C5orf63: variants seen among roughly 807,000 people sequenced by gnomAD.
The protein encoded by C5orf63 is chromosome 5 open reading frame 63, also known as glutaredoxin-like protein C5orf63.
C5orf63 carries 18 observed loss-of-function variants against 13.3 expected under a neutral mutation model. The ratio of observed to expected loss-of-function variants is 1.36; its 90% CI spans 0.94 to 2.01. The LOEUF is 2.01. C5orf63 is among the 30% of genes most tolerant of loss of function. C5orf63 has a pLI of 0.00. For synonymous variants in C5orf63, 38 were observed against 44.7 expected, an observed-to-expected ratio of 0.85 and a Z score of 0.60; for missense variants, 118 against 127.7, an observed-to-expected ratio of 0.92 and a Z score of 0.36.
chr5:127,070,706 C>T (rs114521347), intron 2 of C5orf63, among the ~76,000 whole-genome samples: 2,851 of 152,286 alleles, frequency 0.019, 70 homozygotes, highest in African/African-American at 0.059. Context: ...AATAATTTGG[C>T]ACACTTTCAA....
chr5:127,072,943 A>G (rs1260003662), intron 1 of C5orf63: 1 of 152,272 alleles, frequency 6.6e-6, no homozygotes. Flanking sequence ...AGATCCAGAC[A>G]GCTCATCCAG....
At chr5:127,069,963 A>G (rs1281950153) in intron 2 of C5orf63, among the ~76,000 whole-genome samples, 3 of 152,236 alleles carry the variant, frequency 2.0e-5, no homozygotes, top group Admixed American at 6.5e-5. Flanking sequence ...AGATCAACAC[A>G]GAATTTCAGA....
At position 127,051,737 on chromosome 5, in the gene C5orf63, G is replaced by A; in HGVS notation, c.*34C>T. Reference sequence around the variant, plus strand: ...TCATTTCCTTAGGAAGATGCTTTATGGGAAGAGAGGGTGGAAAATCATGAG... The same window carrying A: ...TCATTTCCTTAGGAAGATGCTTTATAGGAAGAGAGGGTGGAAAATCATGAG... On this transcript the variant is annotated 3_prime_UTR_variant, in exon 5 of 5. Transcript: ENST00000296662. 1 of 1,461,542 alleles carries A rather than the reference G, an allele frequency of 6.8e-7. No individual in the cohort carries two copies. Among genetic ancestry groups the A allele is most frequent in the Non-Finnish European group, 9.0e-7 (1 of 1,111,012 alleles). 90.5% of individuals were successfully genotyped at this position (1,461,542 alleles called of 1,614,324 possible). A position where few individuals can be genotyped will look rare whatever the true frequency, so the allele number is the denominator to read the frequency against.
At chr5:127,066,752 A>T (rs1754347627) in intron 2 of C5orf63, among the ~76,000 whole-genome samples, 2 of 152,148 alleles carry the variant, frequency 1.3e-5, no homozygotes, top group African/African-American at 4.8e-5. Context: ...CTATGAAACT[A>T]GGTGAAATCA....
At chr5:127,046,514 A>G (rs1238519522), downstream of C5orf63, 2 of 152,240 alleles carry the variant, frequency 1.3e-5, no homozygotes, top group Non-Finnish European at 2.9e-5. Flanking sequence ...TCTCTTGAGT[A>G]TGGTAGAATG....
intron 4 of C5orf63, 96 bp downstream of exon 4, chr5:127,052,517 T>G: frequency 1.1e-6 from 1 of 871,224 alleles, no homozygotes. Context: ...GAAAAATCAT[T>G]TAATCTCTTT....
At chr5:127,066,237 T>C (rs1023318086) in intron 2 of C5orf63, among the ~76,000 whole-genome samples, 8 of 152,050 alleles carry the variant, frequency 5.3e-5, no homozygotes, top group African/African-American at 1.2e-4. Flanking sequence ...GTAGGCCTTG[T>C]GGGTTATGTT....
At chr5:127,057,653 G>A (rs937233029) in intron 3 of C5orf63, among the ~76,000 whole-genome samples, 18 of 152,212 alleles carry the variant, frequency 1.2e-4, no homozygotes, top group African/African-American at 4.3e-4. Context: ...GGTATTCACA[G>A]ACATGCACAT....
intron 3 of C5orf63, 112 bp downstream of exon 3, chr5:127,058,770 T>C: frequency 1.5e-6 from 1 of 662,462 alleles, no homozygotes; most frequent in Non-Finnish European, 2.6e-6. Context: ...ATAGAAAAAT[T>C]GAAGAGCAGG....
At chr5:127,061,512 A>G (rs1754105168) in intron 2 of C5orf63, among the ~76,000 whole-genome samples, 1 of 152,244 alleles carries the variant, frequency 6.6e-6, no homozygotes, top group African/African-American at 2.4e-5. Context: ...AGAATTTTAC[A>G]AGGATCTGCT....
chr5:127,052,532 AAAGG>A, intron 4 of C5orf63, 77 bp downstream of exon 4: 1 of 1,004,360 alleles, frequency 1.0e-6, no homozygotes, highest in Non-Finnish European at 1.3e-6. Flanking sequence ...CTCTTTTCCT[AAAGG>A]AAGGATCCAG....
intron 2 of C5orf63, among the ~76,000 whole-genome samples, chr5:127,070,480 T>C (rs1754496089): frequency 6.6e-6 from 1 of 152,212 alleles, no homozygotes; most frequent in East Asian, 1.9e-4. Context: ...GGCAGCAGCA[T>C]ATACCACCAC....
chr5:127,056,118 A>T (rs1051848689), intron 3 of C5orf63, among the ~76,000 whole-genome samples: 3 of 152,044 alleles, frequency 2.0e-5, no homozygotes, highest in African/African-American at 7.2e-5. Context: ...CACAGGAACT[A>T]CTCTCAGCAT....
intron 2 of C5orf63, among the ~76,000 whole-genome samples, chr5:127,063,982 A>C (rs1754216333): frequency 6.6e-6 from 1 of 152,126 alleles, no homozygotes; most frequent in African/African-American, 2.4e-5. Flanking sequence ...CTCTTAGGGG[A>C]CACATCTGGG....
intron 2 of C5orf63, among the ~76,000 whole-genome samples, chr5:127,059,462 T>C (rs1216086231): frequency 6.6e-6 from 1 of 152,116 alleles, no homozygotes; most frequent in Non-Finnish European, 1.5e-5. Flanking sequence ...ATGCCATGGC[T>C]CACACCTGTA....
intron 1 of C5orf63, among the ~76,000 whole-genome samples, chr5:127,072,927 G>C (rs73339281): frequency 0.055 from 8,347 of 152,274 alleles, 424 homozygotes; most frequent in African/African-American, 0.13. Flanking sequence ...CAATAAGGCT[G>C]AGAGGAGATC....
chr5:127,052,085 T>A, intron 4 of C5orf63, 138 bp from the exon 5 acceptor site: 1 of 659,562 alleles, frequency 1.5e-6, no homozygotes, highest in Non-Finnish European at 2.3e-6. Context: ...CACAGTGATC[T>A]AATGTCCCTG....
Position 127,051,713 on chromosome 5 carries a change from C to A in C5orf63, c.*58G>T. On this transcript the variant is annotated 3_prime_UTR_variant, in exon 5 of 5. Transcript: ENST00000296662. ...GACAAAATGAGTATCAGGCCATGGT[C>A]ATTTCCTTAGGAAGATGCTTTATGG... 2.1e-6 allele frequency: 3 copies of A among 1,437,956 alleles called. No individual in the cohort carries two copies. The South Asian group carries it at 4.5e-5, about 22-fold the overall frequency. The allele number at this position is 1,437,956 out of a possible 1,614,324, so 89.1% of individuals were successfully genotyped here.
At chr5:127,066,803 T>A (rs1238217566) in intron 2 of C5orf63, among the ~76,000 whole-genome samples, 1 of 151,618 alleles carries the variant, frequency 6.6e-6, no homozygotes. Context: ...CCAGGATAGA[T>A]CTCTGAAGCA....
Sources: allele counts gnomAD v4.1 joint callset (sites outside exome capture counted in the v4.1 genomes callset), GRCh38; gene constraint gnomAD v4.1.1; transcripts MANE v1.5; gene names NCBI Gene and HGNC (gene_info 2026-07-23, HGNC 2026-07-21).